Variants in PLEKHA3 observed in about 807,000 individuals in gnomAD.
PLEKHA3 encodes the protein pleckstrin homology domain-containing family A member 3.
PLEKHA3 carries 19 observed loss-of-function variants against 39.2 expected under a neutral mutation model. That is an observed-to-expected ratio of 0.48 (90% CI 0.34 to 0.71). The LOEUF is 0.71. Among genes scored for constraint, PLEKHA3 ranks in the 30% least tolerant of loss-of-function variants. The probability of loss-of-function intolerance (pLI) is 0.01; values close to 1 mark genes in which losing one functional copy is unlikely to be tolerated. For missense variants in PLEKHA3, 253 were observed against 359.5 expected (o/e 0.70, Z 2.40); for synonymous variants, 97 against 118.6 (o/e 0.82, Z 1.18).
intron 7 of PLEKHA3, among the ~76,000 whole-genome samples, chr2:178,503,130 A>G (rs1389432475): frequency 6.6e-6 from 1 of 152,050 alleles, no homozygotes; most frequent in African/African-American, 2.4e-5. Flanking sequence ...CTATATATAT[A>G]AAGGTACAAC....
At position 178,502,364 on chromosome 2, in the gene PLEKHA3, C is replaced by T. The variant is rs116005433; in HGVS notation, c.775+1188C>T. ...TGGGTGGAGAAATGAAGGAAAGAAA[C>T]CGGGAAGGGGAAGGGAGAAAGAAAC... On this transcript the variant is annotated intron_variant, in intron 7 of 7. Coordinates refer to ENST00000234453, the MANE Select transcript of PLEKHA3 (RefSeq NM_019091.4). The T allele has an allele frequency of 4.4e-3, 1,879 of 424,684 alleles. 42 individuals carry two copies. Among genetic ancestry groups the T allele is most frequent in the African/African-American group, 0.038 (1,728 of 44,974 alleles). The allele number at this position is 424,684 out of a possible 1,614,324, so 26.3% of individuals were successfully genotyped here. A position where few individuals can be genotyped will look rare whatever the true frequency, so the allele number is the denominator to read the frequency against.
rs1177993730 is a variant in PLEKHA3 at position 178,504,423 on chromosome 2, T to C, written c.*536T>C. ...TCTTTAGCCCAAATACCATGACATA[T>C]TGAGCATCTTTAAATAACCAGACTG... On this transcript the variant is annotated 3_prime_UTR_variant, in exon 8 of 8. Coordinates refer to ENST00000234453, the MANE Select transcript of PLEKHA3 (RefSeq NM_019091.4). 2 of 152,572 alleles carry C rather than the reference T, an allele frequency of 1.3e-5. No homozygotes were observed. Among genetic ancestry groups the C allele is most frequent in the Non-Finnish European group, 2.9e-5 (2 of 67,994 alleles). 9.5% of individuals were successfully genotyped at this position (152,572 alleles called of 1,614,324 possible). A position where few individuals can be genotyped will look rare whatever the true frequency, so the allele number is the denominator to read the frequency against.
Position 178,486,838 on chromosome 2 carries a change from C to G in PLEKHA3, c.157+1081C>G, listed in dbSNP as rs12613303. Among the ~76,000 whole-genome samples, 4 of 152,304 alleles carry G rather than the reference C, an allele frequency of 2.6e-5. No individual in the cohort carries two copies. In the East Asian group the frequency reaches 7.7e-4, roughly 29 times the overall value. The stretch of plus-strand genomic sequence containing the variant: ...ACTAAAGCTGCCATAAACATTCTTA[C>G]ACATTTATTGAACATATGTGTGCAT... On this transcript the variant is annotated intron_variant, in intron 2 of 7. Coordinates refer to ENST00000234453, the MANE Select transcript of PLEKHA3 (RefSeq NM_019091.4).
intron 7 of PLEKHA3, 55 bp from the exon 8 acceptor site, chr2:178,503,705 A>G: frequency 6.5e-7 from 1 of 1,543,076 alleles, no homozygotes; most frequent in Non-Finnish European, 8.8e-7. Context: ...TCTTTCACAG[A>G]GGACTGGAGT....
chr2:178,493,503 G>A (rs1281624138), intron 3 of PLEKHA3, among the ~76,000 whole-genome samples: 1 of 151,856 alleles, frequency 6.6e-6, no homozygotes, highest in Non-Finnish European at 1.5e-5. Flanking sequence ...CATCAGAACT[G>A]GAAAAAATGT....
rs1685603649 is a variant in PLEKHA3 at position 178,506,628 on chromosome 2, T to C, written c.*2741T>C. ...TCTCAGGAAATGCGCCCTTGTGATA[T>C]GTTAATACCAGATTGCTGTTTACAC... is the stretch of plus-strand genomic sequence containing the variant. On this transcript the variant is annotated 3_prime_UTR_variant, in exon 8 of 8. Transcript: ENST00000234453. The C allele has an allele frequency of 6.6e-6, 1 of 152,200 alleles. No individual in the cohort carries two copies. Among genetic ancestry groups the C allele is most frequent in the Admixed American group, 6.5e-5 (1 of 15,274 alleles). 9.4% of individuals were successfully genotyped at this position (152,200 alleles called of 1,614,324 possible).
At position 178,504,510 on chromosome 2, in the gene PLEKHA3, G is replaced by GTGTT. The variant is rs975974559; in HGVS notation, c.*625_*628dup. 6.6e-6 allele frequency: 1 copy of GTGTT among 152,328 alleles called. No individual in the cohort carries two copies. Among genetic ancestry groups the GTGTT allele is most frequent in the Non-Finnish European group, 1.5e-5 (1 of 67,828 alleles). The allele number at this position is 152,328 out of a possible 1,614,324, so 9.4% of individuals were successfully genotyped here. A position where few individuals can be genotyped will look rare whatever the true frequency, so the allele number is the denominator to read the frequency against. ...TGTCAATACCAAATTTTGGGTTAAA[G>GTGTT]TGTTTAATTTTTATGTATTTATTTT... On this transcript the variant is annotated 3_prime_UTR_variant, in exon 8 of 8. Transcript: ENST00000234453.
chr2:178,514,009 C>G lies in PLEKHA3; in HGVS notation c.*10122C>G, dbSNP rs556647057. The G allele has an allele frequency of 7.6e-4, 116 of 152,220 alleles. No homozygotes were observed. Among genetic ancestry groups the G allele is most frequent in the African/African-American group, 2.6e-3 (110 of 41,530 alleles). The allele number at this position is 152,220 out of a possible 1,614,324, so 9.4% of individuals were successfully genotyped here. A position where few individuals can be genotyped will look rare whatever the true frequency, so the allele number is the denominator to read the frequency against. On this transcript the variant is annotated 3_prime_UTR_variant, in exon 8 of 8. Transcript: ENST00000234453. ...AGCATGCCTTCAGAATTGGCATCCTCGGGTGATTGTCCATAGCCTCTTGCA... is the reference window on the plus strand; with the variant it reads ...AGCATGCCTTCAGAATTGGCATCCTGGGGTGATTGTCCATAGCCTCTTGCA...
intron 5 of PLEKHA3, among the ~76,000 whole-genome samples, chr2:178,495,930 G>A (rs1007011344): frequency 1.3e-5 from 2 of 152,056 alleles, no homozygotes; most frequent in Non-Finnish European, 2.9e-5. Flanking sequence ...CCAGTGTCTA[G>A]GAAAATATTA....
At chr2:178,502,582 A>G in intron 7 of PLEKHA3, 1 of 166,152 alleles carries the variant, frequency 6.0e-6, no homozygotes. Context: ...TTGTAGTTTT[A>G]AGTGCGACAT....
chr2:178,487,559 C>T (rs1261340297), intron 2 of PLEKHA3, among the ~76,000 whole-genome samples: 1 of 152,034 alleles, frequency 6.6e-6, no homozygotes, highest in Non-Finnish European at 1.5e-5. Flanking sequence ...CTACCTCAGC[C>T]TCCTGAGTAG....
At chr2:178,491,390 T>A (rs1685345411) in intron 3 of PLEKHA3, among the ~76,000 whole-genome samples, 2 of 152,214 alleles carry the variant, frequency 1.3e-5, no homozygotes, top group South Asian at 4.1e-4. Context: ...TGCCCAGGGT[T>A]AAATGATCAT....
At chr2:178,493,356 A>G (rs1372119747) in intron 3 of PLEKHA3, among the ~76,000 whole-genome samples, 1 of 152,232 alleles carries the variant, frequency 6.6e-6, no homozygotes, top group African/African-American at 2.4e-5. Flanking sequence ...TCTGTAAGCC[A>G]AAATAAAGAA....
At position 178,507,696 on chromosome 2, in the gene PLEKHA3, G is replaced by T. The variant is rs1685626277; in HGVS notation, c.*3809G>T. The T allele has an allele frequency of 2.3e-4, 3 of 12,814 alleles. No individual in the cohort carries two copies. Among genetic ancestry groups the T allele is most frequent in the South Asian group, 2.7e-3 (1 of 372 alleles). 0.8% of individuals were successfully genotyped at this position (12,814 alleles called of 1,614,324 possible). On this transcript the variant is annotated 3_prime_UTR_variant, in exon 8 of 8. Transcript: ENST00000234453. ...TTTTTTTTTTTTTTTTTTTTTTTTG[G>T]CAAAGCTCCTCCACCAGTAACTTCC...
rs142684635 is a variant in PLEKHA3, at chr2:178,482,604, C to G, written c.40+1695C>G. On this transcript the variant is annotated intron_variant, in intron 1 of 7. Transcript: ENST00000234453. ...GCTTGTATGCTTTGAGATGCAAATG[C>G]TCATCTCATTGCAAGTGTTCCTAAG... Among the ~76,000 whole-genome samples the G allele has an allele frequency of 5.3e-3, 804 of 150,282 alleles. 5 individuals carry two copies. Among genetic ancestry groups the G allele is most frequent in the African/African-American group, 0.019 (761 of 40,912 alleles).
chr2:178,500,411 G>T (rs749492813), intron 6 of PLEKHA3, among the ~76,000 whole-genome samples: 1 of 152,004 alleles, frequency 6.6e-6, no homozygotes, highest in Non-Finnish European at 1.5e-5. Context: ...TTTTATGAAA[G>T]AAATTTTTCT....
At chr2:178,491,901 GGCAGCCT>G (rs570670338) in intron 3 of PLEKHA3, among the ~76,000 whole-genome samples, 89 of 152,154 alleles carry the variant, frequency 5.8e-4, no homozygotes, top group Non-Finnish European at 1.2e-3. Flanking sequence ...AAACCCAAGA[GGCAGCCT>G]CGATTTATAA....
At chr2:178,491,531 G>C (rs1336597177) in intron 3 of PLEKHA3, among the ~76,000 whole-genome samples, 1 of 152,290 alleles carries the variant, frequency 6.6e-6, no homozygotes, top group East Asian at 1.9e-4. Context: ...AGTTGTCACT[G>C]TATATACCCT....
rs1287363436 is a variant in PLEKHA3 at position 178,511,165 on chromosome 2, G to A, written c.*7278G>A. 1 of 152,154 alleles carries A rather than the reference G, an allele frequency of 6.6e-6. No homozygotes were observed. Among genetic ancestry groups the A allele is most frequent in the Admixed American group, 6.5e-5 (1 of 15,284 alleles). 9.4% of individuals were successfully genotyped at this position (152,154 alleles called of 1,614,324 possible). On this transcript the variant is annotated 3_prime_UTR_variant, in exon 8 of 8. Transcript: ENST00000234453. ...ACTCGAAGGAGGGAGATTTTTATTT[G>A]TAAGGACATTTGTATTATCTTTCAT...
Sources: gnomAD v4.1 joint callset for allele counts (sites outside exome capture counted in the v4.1 genomes callset) on GRCh38, gnomAD v4.1.1 for gene constraint, MANE v1.5 for transcripts, NCBI Gene and HGNC (gene_info 2026-07-23, HGNC 2026-07-21) for gene names.